The following AFAP1L1 variants were observed in gnomAD, a reference collection of about 807,000 sequenced individuals.
The protein encoded by AFAP1L1 is actin filament associated protein 1 like 1, also known as actin filament-associated protein 1-like 1.
A neutral mutation model predicts 99.8 loss-of-function variants in AFAP1L1; 77 were observed. The observed-to-expected ratio is 0.77, with a 90% CI of 0.64 to 0.93. The LOEUF (loss-of-function observed/expected upper bound fraction) is 0.93, where lower values mean the gene tolerates loss of function less well. Ranked by LOEUF, AFAP1L1 falls within the 40% of genes least tolerant of loss-of-function variation. The probability of loss-of-function intolerance (pLI) is 0.00; values close to 1 mark genes in which losing one functional copy is unlikely to be tolerated. For synonymous variants in AFAP1L1, 373 were observed against 395.3 expected, an observed-to-expected ratio of 0.94 and a Z score of 0.67; for missense variants, 893 against 996.8, an observed-to-expected ratio of 0.90 and a Z score of 1.40.
At chr5:149,274,902 A>G (rs1755263778) in intron 1 of AFAP1L1, among the ~76,000 whole-genome samples, 2 of 150,604 alleles carry the variant, frequency 1.3e-5, no homozygotes, top group South Asian at 2.1e-4. Flanking sequence ...AAAAAAAAAA[A>G]GTATTCCAGC....
intron 5 of AFAP1L1, among the ~76,000 whole-genome samples, chr5:149,305,477 C>A (rs1158680550): frequency 1.3e-5 from 2 of 152,120 alleles, no homozygotes; most frequent in Non-Finnish European, 2.9e-5. Flanking sequence ...ATTAAATAGT[C>A]ATTTTTTAAT....
chr5:149,335,475 C>T (rs1757379913), intron 17 of AFAP1L1, 119 bp from the exon 18 acceptor site: 2 of 1,348,184 alleles, frequency 1.5e-6, no homozygotes, highest in African/African-American at 3.0e-5. Context: ...GTGACAGAGA[C>T]TCTGTCTCAA....
At position 149,319,592 on chromosome 5, in the gene AFAP1L1, C is replaced by T. The variant is rs138161521; in HGVS notation, c.1490C>T (p.Ser497Leu). 4.0e-5 allele frequency: 65 copies of T among 1,610,430 alleles called. No individual in the cohort carries two copies. Among genetic ancestry groups the T allele is most frequent in the Non-Finnish European group, 5.3e-5 (63 of 1,178,104 alleles). The change falls in exon 13 of 19, where the codon TCA becomes TTA. Residue 497 changes from serine (S) to leucine (L), a missense_variant. By Grantham distance (145) the Ser-to-Leu change is moderately radical. Coordinates refer to ENST00000296721, the MANE Select transcript of AFAP1L1 (RefSeq NM_152406.4). Reference sequence around the variant, plus strand: ...CCTCCTGTCCTTCAGGCAAGCTGTTCAGAGGACATGGGTCGCTGGCTCGGG... The same window carrying T: ...CCTCCTGTCCTTCAGGCAAGCTGTTTAGAGGACATGGGTCGCTGGCTCGGG... ...QEVAILEASCSEDMGRWLGLL... is the reference protein window; with the variant it reads ...QEVAILEASCLEDMGRWLGLL...
At chr5:149,279,272 A>G (rs1466515720) in intron 1 of AFAP1L1, among the ~76,000 whole-genome samples, 2 of 152,228 alleles carry the variant, frequency 1.3e-5, no homozygotes, top group Non-Finnish European at 2.9e-5. Context: ...AGAAGCATAC[A>G]AATGAAAAGA....
intron 17 of AFAP1L1, among the ~76,000 whole-genome samples, chr5:149,334,433 A>T (rs1016695921): frequency 6.6e-6 from 1 of 152,220 alleles, no homozygotes. Flanking sequence ...TGGGTTTTGG[A>T]TCCTTTTAAC....
intron 4 of AFAP1L1, 38 bp from the exon 5 acceptor site, chr5:149,302,380 G>T: frequency 6.7e-7 from 1 of 1,500,982 alleles, no homozygotes; most frequent in Non-Finnish European, 9.0e-7. Flanking sequence ...TCCCTACCCT[G>T]CTCCGCTCCC....
intron 2 of AFAP1L1, 60 bp from the exon 3 acceptor site, chr5:149,300,211 G>A: frequency 2.3e-6 from 3 of 1,282,302 alleles, no homozygotes; most frequent in Non-Finnish European, 3.3e-6. Context: ...GTATGAGTGG[G>A]ACGGGGGAGA....
chr5:149,292,436 G>C (rs1755887290), intron 1 of AFAP1L1, among the ~76,000 whole-genome samples: 2 of 152,156 alleles, frequency 1.3e-5, no homozygotes. Flanking sequence ...TCAGTCATGT[G>C]GGGAGGAGTG....
At chr5:149,338,040 T>C (rs1757454788) in intron 18 of AFAP1L1, among the ~76,000 whole-genome samples, 1 of 152,218 alleles carries the variant, frequency 6.6e-6, no homozygotes, top group South Asian at 2.1e-4. Flanking sequence ...TGCCTGATCA[T>C]TTATGAGCTG....
chr5:149,298,731 T>C (rs1756092428), intron 1 of AFAP1L1, among the ~76,000 whole-genome samples: 1 of 152,176 alleles, frequency 6.6e-6, no homozygotes, highest in South Asian at 2.1e-4. Flanking sequence ...AGTGACATCA[T>C]GGTCTTGGCA....
At chr5:149,315,272 T>C (rs1013003248) in intron 9 of AFAP1L1, among the ~76,000 whole-genome samples, 1 of 152,154 alleles carries the variant, frequency 6.6e-6, no homozygotes, top group Non-Finnish European at 1.5e-5. Flanking sequence ...AGGATCATAA[T>C]GGACTCCTGC....
intron 15 of AFAP1L1, among the ~76,000 whole-genome samples, chr5:149,325,837 G>A (rs1757079844): frequency 6.6e-6 from 1 of 152,178 alleles, no homozygotes; most frequent in Non-Finnish European, 1.5e-5. Context: ...AGAGGCAAAA[G>A]GGGGTTGAAT....
intron 15 of AFAP1L1, among the ~76,000 whole-genome samples, chr5:149,327,976 G>A (rs1208673691): frequency 2.0e-5 from 3 of 152,162 alleles, no homozygotes; most frequent in African/African-American, 7.2e-5. Context: ...AAGGCAAGGA[G>A]ATCTACAAAA....
Position 149,329,828 on chromosome 5 carries a change from C to G in AFAP1L1, c.1973C>G (p.Pro658Arg), listed in dbSNP as rs762598251. 2 of 1,607,430 alleles carry G rather than the reference C, an allele frequency of 1.2e-6. No homozygotes were observed. Among genetic ancestry groups the G allele is most frequent in the Non-Finnish European group, 1.7e-6 (2 of 1,176,936 alleles). Residue 658 changes from proline to arginine, a missense_variant and splice_region_variant, in exon 16 of 19, where the codon CCA becomes CGA. By Grantham distance (103) the Pro-to-Arg change is moderately radical. Transcript: ENST00000296721. ...CTGAAGGAAGCCATTCGGAGCAGCCCAGGTACCTATGTGGGTGTGGTCCTG... is the reference window on the plus strand; with the variant it reads ...CTGAAGGAAGCCATTCGGAGCAGCCGAGGTACCTATGTGGGTGTGGTCCTG... ...RELKEAIRSS[P>R]GAKLKALEEA...
chr5:149,283,844 G>A (rs893682495), intron 1 of AFAP1L1, among the ~76,000 whole-genome samples: 1 of 152,196 alleles, frequency 6.6e-6, no homozygotes, highest in Non-Finnish European at 1.5e-5. Flanking sequence ...AAGCCAGAGA[G>A]CCTGATGGCC....
At chr5:149,311,975 G>C (rs1190834198) in intron 8 of AFAP1L1, 137 bp from the exon 9 acceptor site, 2 of 726,658 alleles carry the variant, frequency 2.8e-6, no homozygotes, top group Admixed American at 2.5e-5. Flanking sequence ...ACATATGCAG[G>C]TAGCTGTGTC....
At chr5:149,319,826 G>A in intron 13 of AFAP1L1, 99 bp downstream of exon 13, 2 of 1,503,666 alleles carry the variant, frequency 1.3e-6, no homozygotes, top group Non-Finnish European at 9.0e-7. Context: ...AGGGAAGGGA[G>A]GAGCTAAGGA....
At chr5:149,285,068 T>C (rs1380424193) in intron 1 of AFAP1L1, among the ~76,000 whole-genome samples, 1 of 152,124 alleles carries the variant, frequency 6.6e-6, no homozygotes, top group Non-Finnish European at 1.5e-5. Context: ...TCAACCCCAA[T>C]GATGGAGGCA....
Position 149,320,609 on chromosome 5 carries a change from C to A in AFAP1L1, c.1698+146C>A. ...AGGGGAGCCCCTTCTTATCATAGAG[C>A]ATGGCTCAGGATGAGGAATCCCTGG... On this transcript the variant is annotated intron_variant, in intron 14 of 18. Coordinates refer to ENST00000296721, the MANE Select transcript of AFAP1L1 (RefSeq NM_152406.4). This position sits in a 1 kb window ranked among gnomAD's most constrained non-coding sequence, Gnocchi z 4.0. 1.3e-6 allele frequency: 1 copy of A among 745,736 alleles called. No homozygotes were observed. The highest frequency in any genetic ancestry group is 2.2e-6 in the Non-Finnish European group (1 of 457,540). The allele number at this position is 745,736 out of a possible 1,614,324, so 46.2% of individuals were successfully genotyped here. A position where few individuals can be genotyped will look rare whatever the true frequency, so the allele number is the denominator to read the frequency against.
Sources: allele counts gnomAD v4.1 joint callset (sites outside exome capture counted in the v4.1 genomes callset), GRCh38; gene constraint gnomAD v4.1.1; non-coding constraint Gnocchi (gnomAD v3.1); transcripts MANE v1.5; gene names NCBI Gene and HGNC (gene_info 2026-07-23, HGNC 2026-07-21).